The following ACOT11 variants were observed in gnomAD, a reference collection of about 807,000 sequenced individuals.
ACOT11 encodes acyl-coenzyme A thioesterase 11.
In ACOT11, 69 loss-of-function variants were observed where a neutral mutation model predicts 77.5. That is an observed-to-expected ratio of 0.89 (90% confidence interval 0.73 to 1.09). The LOEUF is 1.09. ACOT11 is among the 50% of genes least tolerant of loss of function. ACOT11 has a pLI of 0.00. For missense variants in ACOT11, 766 were observed against 813.7 expected, an observed-to-expected ratio of 0.94 and a Z score of 0.71; for synonymous variants, 279 against 313.0, an observed-to-expected ratio of 0.89 and a Z score of 1.15.
At chr1:54,554,964 G>A (rs556749190) in intron 1 of ACOT11, among the ~76,000 whole-genome samples, 1 of 152,038 alleles carries the variant, frequency 6.6e-6, no homozygotes, top group Non-Finnish European at 1.5e-5. Context: ...TTGTTTGTTT[G>A]TTTGTTTGTT....
intron 1 of ACOT11, among the ~76,000 whole-genome samples, chr1:54,576,101 A>T (rs1654105734): frequency 6.6e-6 from 1 of 152,072 alleles, no homozygotes; most frequent in South Asian, 2.1e-4. Context: ...AATTTGAAGG[A>T]GCTGGGGGTT....
intron 1 of ACOT11, among the ~76,000 whole-genome samples, chr1:54,582,974 T>C (rs185758232): frequency 2.8e-3 from 428 of 152,052 alleles, no homozygotes; most frequent in Non-Finnish European, 4.2e-3. Flanking sequence ...AATGGAGTCC[T>C]GCCTACCACC....
chr1:54,604,310 G>C (rs772571857), intron 11 of ACOT11, 36 bp from the exon 12 acceptor site: 1 of 1,597,718 alleles, frequency 6.3e-7, no homozygotes, highest in Non-Finnish European at 8.6e-7. Context: ...TGAAGGAAGG[G>C]GGTGGGGTAG....
chr1:54,594,065 A>G (rs1351421561), intron 5 of ACOT11, 26 bp downstream of exon 5: 1 of 1,605,110 alleles, frequency 6.2e-7, no homozygotes, highest in East Asian at 2.2e-5. Flanking sequence ...TGGCTGCTGG[A>G]ACGCTGCTCA....
chr1:54,566,044 C>T lies in ACOT11; in HGVS notation c.33+17702C>T, dbSNP rs530260593. On this transcript the variant is annotated intron_variant, in intron 1 of 15. Coordinates refer to ENST00000343744, the MANE Select transcript of ACOT11 (RefSeq NM_147161.4). ...CCCATCTGCCTTGACTCAGAGCTCA[C>T]GCACCAGCAGGGCCCCCTTCCCTCT... 8.5e-5 allele frequency among the ~76,000 whole-genome samples: 13 copies of T among 152,300 alleles called. No homozygotes were observed. In the South Asian group the frequency reaches 2.1e-3, roughly 24 times the overall value.
chr1:54,580,608 A>G (rs1037155587), intron 1 of ACOT11, among the ~76,000 whole-genome samples: 1 of 151,886 alleles, frequency 6.6e-6, no homozygotes, highest in African/African-American at 2.4e-5. Context: ...CCTTCCTCCC[A>G]CTGTGAGTCT....
chr1:54,619,966 C>G (rs751161378), intron 15 of ACOT11: 2 of 1,614,160 alleles, frequency 1.2e-6, no homozygotes, highest in Non-Finnish European at 1.7e-6. Context: ...AGCAGGTAGT[C>G]CAGCATGTCG....
intron 1 of ACOT11, among the ~76,000 whole-genome samples, chr1:54,560,923 A>T (rs927612234): frequency 6.6e-6 from 1 of 151,898 alleles, no homozygotes; most frequent in Non-Finnish European, 1.5e-5. Flanking sequence ...GGGTTTCACC[A>T]TGTTGGCCAG....
At chr1:54,605,345 T>TG (rs1486042447) in intron 13 of ACOT11, 136 bp downstream of exon 13, 2 of 1,142,082 alleles carry the variant, frequency 1.8e-6, no homozygotes, top group East Asian at 2.9e-5. Context: ...CCATGCTGGG[T>TG]GGGGGTTCAG....
Position 54,597,344 on chromosome 1 carries a change from C to T in ACOT11, c.693C>T (p.Ala231=), listed in dbSNP as rs779847979. The change falls in exon 7 of 16, where the codon GCC becomes GCT. Residue 231 remains alanine, a synonymous_variant. Coordinates refer to ENST00000343744, the MANE Select transcript of ACOT11 (RefSeq NM_147161.4). ...ESVELVLPPH[A]NHQGNTFGGQ... ...TGGAGCTGGTCCTGCCTCCCCACGCCAATCACCAGGGCAACACCTTTGGGG... is the reference window on the plus strand; with the variant it reads ...TGGAGCTGGTCCTGCCTCCCCACGCTAATCACCAGGGCAACACCTTTGGGG... 3.1e-6 allele frequency: 5 copies of T among 1,613,964 alleles called. No individual in the cohort carries two copies. Among genetic ancestry groups the T allele is most frequent in the Non-Finnish European group, 4.2e-6 (5 of 1,180,020 alleles).
chr1:54,618,829 G>A (rs2101023366), intron 15 of ACOT11, among the ~76,000 whole-genome samples: 1 of 152,166 alleles, frequency 6.6e-6, no homozygotes, highest in Non-Finnish European at 1.5e-5. Flanking sequence ...TGTGATCTTG[G>A]GAAGGTTATT....
rs867601745 is a variant in ACOT11, at chr1:54,584,298, C to T, written c.34-357C>T. Among the ~76,000 whole-genome samples the T allele has an allele frequency of 6.6e-6, 1 of 151,954 alleles. No individual in the cohort carries two copies. Among genetic ancestry groups the T allele is most frequent in the African/African-American group, 2.4e-5 (1 of 41,382 alleles). On this transcript the variant is annotated intron_variant, in intron 1 of 15. Coordinates refer to ENST00000343744, the MANE Select transcript of ACOT11 (RefSeq NM_147161.4). The surrounding 1 kb of genome is among the most constrained non-coding windows in gnomAD (Gnocchi z 6.3). ...GGCCTCCCTGCATAGAGAGGCGACTCTTTCCAGAATGAACGTAAATCTAAG... is the reference window on the plus strand; with the variant it reads ...GGCCTCCCTGCATAGAGAGGCGACTTTTTCCAGAATGAACGTAAATCTAAG...
intron 3 of ACOT11, among the ~76,000 whole-genome samples, chr1:54,588,640 T>C (rs748593676): frequency 1.3e-5 from 2 of 152,198 alleles, no homozygotes; most frequent in Non-Finnish European, 2.9e-5. Flanking sequence ...GCCAGTACTG[T>C]CAGCTCTGTG....
At chr1:54,612,564 C>T, downstream of ACOT11, 2 of 1,614,086 alleles carry the variant, frequency 1.2e-6, no homozygotes, top group Non-Finnish European at 1.7e-6. Context: ...GAAGGTGACC[C>T]TCTGGGGCAC....
chr1:54,615,147 G>C (rs1644159598), downstream of ACOT11, among the ~76,000 whole-genome samples: 1 of 152,158 alleles, frequency 6.6e-6, no homozygotes, highest in South Asian at 2.1e-4. Context: ...CTGCAGCTGG[G>C]AATCAAGTCT....
rs765273991 is a variant in ACOT11, at chr1:54,599,388, C to T, written c.857C>T (p.Ala286Val). The change falls in exon 8 of 16, where the codon GCC becomes GTC. Residue 286 changes from alanine to valine, a missense_variant. By Grantham distance (64) the Ala-to-Val change is moderately conservative (BLOSUM62 0). Transcript: ENST00000343744. Reference sequence around the variant, plus strand: ...GTCGGCGACCGTCTGGTGCTCAAAGCCATCGTGAACAATGCCTTCAAACAT... The same window carrying T: ...GTCGGCGACCGTCTGGTGCTCAAAGTCATCGTGAACAATGCCTTCAAACAT... ...SQVGDRLVLK[A>V]IVNNAFKHSM... 2.5e-6 allele frequency: 4 copies of T among 1,606,676 alleles called. No individual in the cohort carries two copies. Among genetic ancestry groups the T allele is most frequent in the Non-Finnish European group, 3.4e-6 (4 of 1,176,498 alleles).
chr1:54,581,220 TG>T (rs1654293635), intron 1 of ACOT11, among the ~76,000 whole-genome samples: 1 of 152,116 alleles, frequency 6.6e-6, no homozygotes, highest in Non-Finnish European at 1.5e-5. Flanking sequence ...GTGTGGAGGC[TG>T]GAAGGAGTTA....
exon 17 of ACOT11, chr1:54,639,039 A>T (rs936652575): frequency 6.6e-6 from 1 of 151,854 alleles, no homozygotes; most frequent in Admixed American, 6.6e-5. Context: ...AAAAAATTTT[A>T]AAAAATTAGC....
Position 54,604,380 on chromosome 1 carries a change from A to C in ACOT11, c.1187A>C (p.Lys396Thr), listed in dbSNP as rs200872982. The C allele has an allele frequency of 5.7e-5, 92 of 1,614,056 alleles. No homozygotes were observed. Among genetic ancestry groups the C allele is most frequent in the Admixed American group, 4.2e-4 (25 of 60,010 alleles). ...AGCTACAATAACGTCTCCTCCTTGA[A>C]GATGCTTGTGGCCAAGGACAACTGG... ...YLSYNNVSSLKMLVAKDNWVL... is the reference protein window; with the variant it reads ...YLSYNNVSSLTMLVAKDNWVL... The change falls in exon 12 of 16, where the codon AAG becomes ACG. Residue 396 changes from lysine (K) to threonine (T), a missense_variant. Lys to Thr is a moderately conservative substitution (Grantham distance 78, BLOSUM62 -1). Transcript: ENST00000343744.
Sources: gnomAD v4.1 joint callset for allele counts (sites outside exome capture counted in the v4.1 genomes callset) on GRCh38, gnomAD v4.1.1 for gene constraint, Gnocchi (gnomAD v3.1) non-coding constraint, MANE v1.5 for transcripts, NCBI Gene and HGNC (gene_info 2026-07-23, HGNC 2026-07-21) for gene names.